The following TCTN2 variants were observed in gnomAD, a reference collection of about 807,000 sequenced individuals.
TCTN2 encodes the protein tectonic family member 2.
Under a neutral mutation model 83.4 loss-of-function variants are expected in TCTN2, and 66 were observed. The observed-to-expected ratio is 0.79, with a 90% CI of 0.65 to 0.97. TCTN2 has a LOEUF of 0.97. Ranked by LOEUF, TCTN2 falls within the 50% of genes least tolerant of loss-of-function variation. TCTN2 has a pLI of 0.00. For missense variants in TCTN2, 794 were observed against 858.1 expected (o/e 0.93, Z 0.93); for synonymous variants, 301 against 326.7 (o/e 0.92, Z 0.85).
chr12:123,697,606 TCTC>T (rs1956125599), intron 13 of TCTN2, among the ~76,000 whole-genome samples: 3 of 152,134 alleles, frequency 2.0e-5, no homozygotes, highest in Admixed American at 1.3e-4. Context: ...TTCAAGCAAT[TCTC>T]CTGCCTTAGC....
At chr12:123,700,800 T>G (rs1394316073) in intron 14 of TCTN2, among the ~76,000 whole-genome samples, 1 of 152,158 alleles carries the variant, frequency 6.6e-6, no homozygotes, top group African/African-American at 2.4e-5. Context: ...TTTAAAAAAT[T>G]AGTCGAATGT....
chr12:123,684,322 A>G (rs1249356089), intron 5 of TCTN2, among the ~76,000 whole-genome samples: 2 of 151,542 alleles, frequency 1.3e-5, no homozygotes, highest in Non-Finnish European at 1.5e-5. Flanking sequence ...CCTCTTAGCA[A>G]ATTTTTAAGT....
In TCTN2 at chr12:123,672,003, C is replaced by A. The variant is rs1448051340; in HGVS notation, c.191-53C>A. On this transcript the variant is annotated intron_variant, in intron 2 of 17. Transcript: ENST00000303372. ...ATCCTAGGCAGTCTGACTCAATGCA[C>A]CCCCTGAGCTGCTGGACCTTGCTGC... The A allele has an allele frequency of 4.7e-6, 7 of 1,476,800 alleles. No homozygotes were observed. The Middle Eastern group carries it at 5.3e-4, about 112-fold the overall frequency. The allele number at this position is 1,476,800 out of a possible 1,614,324, so 91.5% of individuals were successfully genotyped here.
At chr12:123,678,012 G>A (rs879910120) in intron 4 of TCTN2, among the ~76,000 whole-genome samples, 3 of 152,144 alleles carry the variant, frequency 2.0e-5, no homozygotes, top group African/African-American at 2.4e-5. Flanking sequence ...CCTAAGCCAC[G>A]TGCCCTCCCT....
In TCTN2 at chr12:123,707,787, C is replaced by T. The variant is rs1956249093; in HGVS notation, c.*74C>T. The T allele has an allele frequency of 3.6e-6, 4 of 1,124,178 alleles. No individual in the cohort carries two copies. The highest frequency in any genetic ancestry group is 2.7e-4 in the Middle Eastern group (1 of 3,668). 69.6% of individuals were successfully genotyped at this position (1,124,178 alleles called of 1,614,324 possible). On this transcript the variant is annotated 3_prime_UTR_variant, in exon 18 of 18. Transcript: ENST00000303372. Reference sequence around the variant, plus strand: ...CCCAGGCTGAAGTGATCTCGGCTCACCACAACCTCCTCCTCTTGGGTTCAA... The same window carrying T: ...CCCAGGCTGAAGTGATCTCGGCTCATCACAACCTCCTCCTCTTGGGTTCAA...
chr12:123,701,000 T>A (rs1956166485), intron 14 of TCTN2, among the ~76,000 whole-genome samples: 2 of 152,080 alleles, frequency 1.3e-5, no homozygotes, highest in South Asian at 4.2e-4. Context: ...CCAAGCAAGG[T>A]TTGAAGATTG....
chr12:123,682,702 G>A (rs983220948), intron 5 of TCTN2, among the ~76,000 whole-genome samples: 4 of 151,116 alleles, frequency 2.6e-5, no homozygotes, highest in African/African-American at 9.7e-5. Flanking sequence ...GGCTGGTCTC[G>A]AACTCCTGAC....
chr12:123,693,103 T>C (rs1956064998), intron 9 of TCTN2, among the ~76,000 whole-genome samples: 1 of 140,862 alleles, frequency 7.1e-6, no homozygotes, highest in African/African-American at 2.7e-5. Flanking sequence ...CTCGGCTCAC[T>C]GCAACCTCCG....
At chr12:123,700,656 C>G (rs1230207788) in intron 14 of TCTN2, among the ~76,000 whole-genome samples, 1 of 152,222 alleles carries the variant, frequency 6.6e-6, no homozygotes, top group Non-Finnish European at 1.5e-5. Flanking sequence ...TGGTCTCGAA[C>G]TCCTGACCCC....
chr12:123,693,291 G>T (rs564631956), intron 9 of TCTN2, among the ~76,000 whole-genome samples: 2 of 150,862 alleles, frequency 1.3e-5, no homozygotes, highest in South Asian at 4.2e-4. Context: ...CTCCCAAAGT[G>T]CTGGGATTAT....
intron 14 of TCTN2, among the ~76,000 whole-genome samples, chr12:123,702,543 C>G (rs376595316): frequency 2.6e-5 from 4 of 152,198 alleles, no homozygotes; most frequent in African/African-American, 9.7e-5. Flanking sequence ...ACTCCACCCC[C>G]ACGGGGCACT....
chr12:123,685,718 C>CTTTTTT (rs3071665), intron 5 of TCTN2, among the ~76,000 whole-genome samples: 2 of 109,452 alleles, frequency 1.8e-5, no homozygotes, highest in Non-Finnish European at 3.6e-5. Flanking sequence ...TGCGCCCGGT[C>CTTTTTT]TTTTTTTTTT....
chr12:123,696,632 A>G (rs771344520), intron 12 of TCTN2, 137 bp downstream of exon 12: 23 of 778,980 alleles, frequency 3.0e-5, no homozygotes, highest in Non-Finnish European at 3.8e-5. Flanking sequence ...ATGCTGCTGA[A>G]TAACAGTGAT....
intron 5 of TCTN2, 96 bp from the exon 6 acceptor site, chr12:123,686,740 G>T: frequency 8.5e-7 from 1 of 1,177,982 alleles, no homozygotes. Context: ...TTACTTGGTA[G>T]TGTCCTGCTG....
chr12:123,673,936 A>G (rs1955788906), intron 4 of TCTN2, 126 bp downstream of exon 4: 2 of 872,934 alleles, frequency 2.3e-6, no homozygotes, highest in Non-Finnish European at 3.8e-6. Context: ...GGTTAATGCT[A>G]CAAATGAGCT....
Position 123,686,987 on chromosome 12 carries a change from C to G in TCTN2, c.716C>G (p.Ser239Cys), listed in dbSNP as rs149186771. 12 of 1,613,996 alleles carry G rather than the reference C, an allele frequency of 7.4e-6. No individual in the cohort carries two copies. The highest frequency in any genetic ancestry group is 6.7e-5 in the African/African-American group (5 of 74,892). The change falls in exon 6 of 18, where the codon TCC (serine) becomes TGC (cysteine). Residue 239 changes from serine (S) to cysteine (C), a missense_variant. By Grantham distance (112) the Ser-to-Cys change is moderately radical. Transcript: ENST00000303372. ...PDWFPFLCVQ[S>C]PLANTPFLGY... ...TGGTTTCCCTTTCTGTGTGTGCAGT[C>G]CCCCCTTGCCAACACACCCTTCCTT...
chr12:123,681,715 GT>G (rs1955901930), intron 5 of TCTN2, among the ~76,000 whole-genome samples: 1 of 152,188 alleles, frequency 6.6e-6, no homozygotes, highest in South Asian at 2.1e-4. Flanking sequence ...TTGTGGACAG[GT>G]TTTTGTGTGA....
At chr12:123,706,349 G>A (rs933167876) in intron 15 of TCTN2, among the ~76,000 whole-genome samples, 1 of 152,162 alleles carries the variant, frequency 6.6e-6, no homozygotes, top group African/African-American at 2.4e-5. Context: ...CCTCGAACGT[G>A]GAAAGCCCTC....
chr12:123,696,357 G>A (rs1956108701), intron 11 of TCTN2, 58 bp from the exon 12 acceptor site: 6 of 1,394,354 alleles, frequency 4.3e-6, no homozygotes, highest in Non-Finnish European at 6.1e-6. Context: ...TATTTGCAGA[G>A]TTAGGGCTTG....
Sources: gnomAD v4.1 joint callset for allele counts (sites outside exome capture counted in the v4.1 genomes callset) on GRCh38, gnomAD v4.1.1 for gene constraint, MANE v1.5 for transcripts, NCBI Gene and HGNC (gene_info 2026-07-23, HGNC 2026-07-21) for gene names.